Variants in TAFA2 observed in about 807,000 individuals in gnomAD.
TAFA2 encodes chemokine-like protein TAFA-2.
A neutral mutation model predicts 18.8 loss-of-function variants in TAFA2; 7 were observed. The observed-to-expected ratio is 0.37, with a 90% confidence interval of 0.21 to 0.70. The LOEUF (loss-of-function observed/expected upper bound fraction) is 0.70. TAFA2 is among the 30% of genes least tolerant of loss of function. The probability of loss-of-function intolerance (pLI) is 0.53; values close to 1 mark genes in which losing one functional copy is unlikely to be tolerated. For synonymous variants in TAFA2, 60 were observed against 54.2 expected (o/e 1.11, Z -0.47); for missense variants, 122 against 158.1 (o/e 0.77, Z 1.23).
intron 1 of TAFA2, among the ~76,000 whole-genome samples, chr12:61,972,021 G>A (rs1879266500): frequency 6.6e-6 from 1 of 151,684 alleles, no homozygotes; most frequent in Admixed American, 6.6e-5. Flanking sequence ...ATGTGGGAAG[G>A]AATTGTCTCT....
intron 1 of TAFA2, among the ~76,000 whole-genome samples, chr12:62,165,781 C>G: frequency 6.6e-6 from 1 of 152,072 alleles, no homozygotes; most frequent in East Asian, 1.9e-4. Context: ...AGAACTACTC[C>G]AAGAGCTTCT....
At chr12:62,189,010 C>T (rs931105758) in intron 1 of TAFA2, among the ~76,000 whole-genome samples, 1 of 152,100 alleles carries the variant, frequency 6.6e-6, no homozygotes, top group African/African-American at 2.4e-5. Flanking sequence ...ATCACATATA[C>T]TTAGAAGCCT....
intron 1 of TAFA2, among the ~76,000 whole-genome samples, chr12:62,233,190 C>A (rs1031923515): frequency 9.1e-5 from 13 of 142,168 alleles, no homozygotes; most frequent in African/African-American, 3.4e-4. Flanking sequence ...AAGTGATTAT[C>A]CTGCCTCAGC....
intron 1 of TAFA2, among the ~76,000 whole-genome samples, chr12:61,884,081 C>G (rs1479010221): frequency 6.6e-6 from 1 of 152,124 alleles, no homozygotes; most frequent in African/African-American, 2.4e-5. Context: ...AAAGTAATGT[C>G]AAGCCAAAAG....
Position 62,164,821 on chromosome 12 carries a change from G to A in TAFA2, c.-2+26438C>T, listed in dbSNP as rs181041030. The stretch of plus-strand genomic sequence containing the variant: ...GAGGATCACATAAATGAAAGAATAG[G>A]TGTAAAATAATTAGTACAAGGCCTG... On this transcript the variant is annotated intron_variant, in intron 1 of 4. Coordinates refer to ENST00000416284, the MANE Select transcript of TAFA2 (RefSeq NM_178539.5). Among the ~76,000 whole-genome samples the A allele has an allele frequency of 7.9e-5, 12 of 152,112 alleles. No homozygotes were observed. In the East Asian group the frequency reaches 2.3e-3, roughly 29 times the overall value.
At chr12:62,065,521 G>A (rs542878461) in intron 1 of TAFA2, among the ~76,000 whole-genome samples, 2 of 152,142 alleles carry the variant, frequency 1.3e-5, no homozygotes, top group African/African-American at 4.8e-5. Flanking sequence ...ATCATAATCA[G>A]TATTGAAACT....
At chr12:61,820,885 G>A (rs758574738) in intron 2 of TAFA2, among the ~76,000 whole-genome samples, 1 of 151,952 alleles carries the variant, frequency 6.6e-6, no homozygotes, top group Non-Finnish European at 1.5e-5. Flanking sequence ...ATAAGTATAT[G>A]GAGATTCTTA....
At chr12:61,810,244 C>G (rs1871809219) in intron 2 of TAFA2, among the ~76,000 whole-genome samples, 1 of 151,094 alleles carries the variant, frequency 6.6e-6, no homozygotes, top group African/African-American at 2.5e-5. Context: ...CAAACTTAAA[C>G]CCAGCTTCCT....
intron 1 of TAFA2, among the ~76,000 whole-genome samples, chr12:62,226,378 T>A (rs2062786664): frequency 6.6e-6 from 1 of 152,078 alleles, no homozygotes; most frequent in Non-Finnish European, 1.5e-5. Flanking sequence ...TTTGTATTTT[T>A]AGTAGAGACG....
intron 1 of TAFA2, among the ~76,000 whole-genome samples, chr12:62,018,643 C>T (rs9739059): frequency 0.27 from 41,550 of 151,954 alleles, 5,927 homozygotes; most frequent in African/African-American, 0.3. Context: ...GAAACTGGAT[C>T]CCTTCCTTAC....
intron 2 of TAFA2, among the ~76,000 whole-genome samples, chr12:61,856,685 T>C (rs1873899364): frequency 1.3e-5 from 2 of 151,958 alleles, no homozygotes; most frequent in South Asian, 4.1e-4. Context: ...TGAGTACAAA[T>C]CATTTTTATA....
At chr12:61,837,728 C>T (rs1226804312) in intron 2 of TAFA2, among the ~76,000 whole-genome samples, 2 of 151,944 alleles carry the variant, frequency 1.3e-5, no homozygotes, top group African/African-American at 4.8e-5. Flanking sequence ...GTTCCTGAAA[C>T]TTACATTCTA....
chr12:62,169,846 G>A (rs1210365152), intron 1 of TAFA2, among the ~76,000 whole-genome samples: 7 of 97,938 alleles, frequency 7.1e-5, no homozygotes, highest in Admixed American at 2.3e-4. Context: ...GCGAGACTCC[G>A]TCTCAAAAAA....
At chr12:62,187,352 T>C (rs987910090) in intron 1 of TAFA2, among the ~76,000 whole-genome samples, 2 of 152,200 alleles carry the variant, frequency 1.3e-5, no homozygotes, top group African/African-American at 2.4e-5. Context: ...TGTCACACTA[T>C]GCATACAGTT....
chr12:62,091,523 G>C (rs370771792), intron 1 of TAFA2, among the ~76,000 whole-genome samples: 2 of 151,780 alleles, frequency 1.3e-5, no homozygotes, highest in Non-Finnish European at 2.9e-5. Flanking sequence ...ATCACTAGAG[G>C]GGTGAAGAAG....
intron 1 of TAFA2, among the ~76,000 whole-genome samples, chr12:61,991,611 C>T (rs981855072): frequency 6.6e-6 from 1 of 152,150 alleles, no homozygotes; most frequent in African/African-American, 2.4e-5. Context: ...TTTCCATTAG[C>T]GTAAATACAC....
chr12:62,035,071 T>C (rs760940375), intron 1 of TAFA2, among the ~76,000 whole-genome samples: 2 of 152,184 alleles, frequency 1.3e-5, no homozygotes, highest in Non-Finnish European at 1.5e-5. Flanking sequence ...ATACCAAATA[T>C]TGGTTTACAA....
chr12:62,089,786 A>G (rs186772666), intron 1 of TAFA2, among the ~76,000 whole-genome samples: 117 of 152,126 alleles, frequency 7.7e-4, no homozygotes, highest in South Asian at 1.7e-3. Context: ...GAAGCCCACT[A>G]TTTCTTCAGG....
chr12:62,048,417 G>T (rs1881965260), intron 1 of TAFA2, among the ~76,000 whole-genome samples: 1 of 152,138 alleles, frequency 6.6e-6, no homozygotes, highest in African/African-American at 2.4e-5. Context: ...CCTCCACCTG[G>T]TCTCTCCTTT....
Sources: gnomAD v4.1 joint callset for allele counts (sites outside exome capture counted in the v4.1 genomes callset) on GRCh38, gnomAD v4.1.1 for gene constraint, MANE v1.5 for transcripts, NCBI Gene and HGNC (gene_info 2026-07-23, HGNC 2026-07-21) for gene names.